The following UBL7 variants were observed in gnomAD, a reference collection of about 807,000 sequenced individuals.
The protein encoded by UBL7 is ubiquitin like 7.
UBL7 carries 21 observed loss-of-function variants against 41.7 expected under a neutral mutation model. That is an observed-to-expected ratio of 0.50 (90% CI 0.36 to 0.73). The LOEUF (loss-of-function observed/expected upper bound fraction) is 0.73, where lower values mean the gene tolerates loss of function less well. Ranked by LOEUF, UBL7 falls within the 30% of genes least tolerant of loss-of-function variation. The pLI is 0.00. For missense variants in UBL7, 403 were observed against 478.4 expected, an observed-to-expected ratio of 0.84 and a Z score of 1.47; for synonymous variants, 157 against 186.9, an observed-to-expected ratio of 0.84 and a Z score of 1.31.
chr15:74,460,028 G>A (rs1286398811), intron 1 of UBL7, among the ~76,000 whole-genome samples: 1 of 146,288 alleles, frequency 6.8e-6, no homozygotes, highest in African/African-American at 2.5e-5. Flanking sequence ...GATCACTTAA[G>A]ATCAGGTGTT....
chr15:74,451,476 A>G lies in UBL7; in HGVS notation c.432T>C (p.Ile144=). Reference sequence around the variant, plus strand: ...CACTGCTGAGGCCTGGGGTGGCCACAATGATCTGATCCAGAGACTCCTTAT... The same window carrying G: ...CACTGCTGAGGCCTGGGGTGGCCACGATGATCTGATCCAGAGACTCCTTAT... The part of the protein sequence containing the change: ...LSNKESLDQI[I]VATPGLSSDP... The change falls in exon 5 of 11, where the codon ATT becomes ATC. Residue 144 remains isoleucine (I), a synonymous_variant. Coordinates refer to ENST00000395081, the MANE Select transcript of UBL7 (RefSeq NM_032907.5). 1 of 1,614,110 alleles carries G rather than the reference A, an allele frequency of 6.2e-7. No individual in the cohort carries two copies. The highest frequency in any genetic ancestry group is 2.2e-5 in the East Asian group (1 of 44,880).
chr15:74,456,695 T>G (rs752804639), intron 2 of UBL7, 24 bp from the exon 3 acceptor site: 4 of 1,598,690 alleles, frequency 2.5e-6, no homozygotes, highest in Non-Finnish European at 2.6e-6. Flanking sequence ...TGTCCACTTA[T>G]ATTTTGCTCC....
Position 74,459,475 on chromosome 15 carries a change from A to ATTTT in UBL7, c.-29-583_-29-580dup, listed in dbSNP as rs372314262. Among the ~76,000 whole-genome samples the ATTTT allele has an allele frequency of 2.1e-5, 3 of 141,058 alleles. No individual in the cohort carries two copies. The East Asian group carries it at 6.3e-4, about 30-fold the overall frequency. 92.5% of individuals were successfully genotyped at this position (141,058 alleles called of 152,430 possible). A position where few individuals can be genotyped will look rare whatever the true frequency, so the allele number is the denominator to read the frequency against. ...AGGCACCCGCCACGACGCCAGGCTA[A>ATTTT]TTTTTTTTTTTTTTTGTACTTTTAG... On this transcript the variant is annotated intron_variant, in intron 1 of 10. Coordinates refer to ENST00000395081, the MANE Select transcript of UBL7 (RefSeq NM_032907.5).
chr15:74,450,689 C>T, intron 6 of UBL7, 113 bp downstream of exon 6: 2 of 1,161,790 alleles, frequency 1.7e-6, no homozygotes, highest in East Asian at 2.5e-5. Context: ...AAGGGGTAGA[C>T]TTGGTGACAG....
In UBL7 at chr15:74,449,338, G is replaced by A; in HGVS notation, c.730C>T (p.Pro244Ser). The change falls in exon 9 of 11, where the codon CCC (proline) becomes TCC (serine). Residue 244 changes from proline to serine, a missense_variant. By Grantham distance (74) the Pro-to-Ser change is moderately conservative (BLOSUM62 -1). Transcript: ENST00000395081. ...CGGGAGCTGGGAGTACTGCTAGAGG[G>A]TGTGGACCTGGTGTTCTGGAGAAAG... ...DDFHPNTRST[P>S]SSSTPSSRPA... 6.2e-7 allele frequency: 1 copy of A among 1,614,084 alleles called. No individual in the cohort carries two copies. Among genetic ancestry groups the A allele is most frequent in the Non-Finnish European group, 8.5e-7 (1 of 1,179,998 alleles).
intron 2 of UBL7, among the ~76,000 whole-genome samples, chr15:74,458,330 G>A (rs187803101): frequency 1.1e-4 from 16 of 152,310 alleles, no homozygotes; most frequent in African/African-American, 3.4e-4. Flanking sequence ...TACTCGGGAG[G>A]CTGAGGCAGA....
chr15:74,452,675 C>A (rs1434780937), intron 3 of UBL7, among the ~76,000 whole-genome samples: 1 of 152,184 alleles, frequency 6.6e-6, no homozygotes, highest in Admixed American at 6.5e-5. Flanking sequence ...GATCAACATA[C>A]CACTGCAGGA....
rs1286774597 is a variant in UBL7, at chr15:74,449,730, T to C, written c.665-55A>G. 5.0e-6 allele frequency: 8 copies of C among 1,608,736 alleles called. No individual in the cohort carries two copies. In the East Asian group the frequency reaches 8.9e-5, roughly 18 times the overall value. ...AAGAACAGAAAGGCACAGGCGCAGC[T>C]CCAGAATCTCAGCTCAAGTTACTCT... On this transcript the variant is annotated intron_variant, in intron 7 of 10. Transcript: ENST00000395081.
rs768153392 is a variant in UBL7, at chr15:74,448,491, T to C, written c.992A>G (p.Gln331Arg). 6 of 1,614,002 alleles carry C rather than the reference T, an allele frequency of 3.7e-6. No individual in the cohort carries two copies. Among genetic ancestry groups the C allele is most frequent in the Non-Finnish European group, 5.1e-6 (6 of 1,179,902 alleles). Residue 331 changes from glutamine to arginine, a missense_variant, in exon 10 of 11, where the codon CAG (glutamine) becomes CGG (arginine). Coordinates refer to ENST00000395081, the MANE Select transcript of UBL7 (RefSeq NM_032907.5). ...GGGAAGACTGACCTGAAGGCTGGGC[T>C]GCCCAGAGGCCTGAAGGGCATGCTG... ...ALQHALQASG[Q>R]PSLQSQWQPQ...
intron 4 of UBL7, among the ~76,000 whole-genome samples, 191 bp from the exon 5 acceptor site, chr15:74,451,711 T>C (rs1444088292): frequency 1.3e-5 from 2 of 150,730 alleles, no homozygotes; most frequent in Non-Finnish European, 3.0e-5. Context: ...AAACAAACAA[T>C]TTAAAAAAAA....
intron 5 of UBL7, among the ~76,000 whole-genome samples, chr15:74,451,148 TCAGGGTGTG>T (rs1343827773): frequency 6.6e-6 from 1 of 152,220 alleles, no homozygotes; most frequent in Non-Finnish European, 1.5e-5. Context: ...CTTCCCTTAC[TCAGGGTGTG>T]CAGGACGCCT....
At chr15:74,448,700 C>G (rs2061210010) in intron 9 of UBL7, 100 bp from the exon 10 acceptor site, 2 of 1,486,598 alleles carry the variant, frequency 1.3e-6, no homozygotes, top group African/African-American at 1.4e-5. Context: ...CCTGAGGTAC[C>G]CAACTTCTGC....
At position 74,449,176 on chromosome 15, in the gene UBL7, G is replaced by A. The variant is rs755061152; in HGVS notation, c.882+10C>T. 14 of 1,536,224 alleles carry A rather than the reference G, an allele frequency of 9.1e-6. No homozygotes were observed. The highest frequency in any genetic ancestry group is 7.7e-5 in the South Asian group (6 of 77,870). ...GCCCAGCCTTGATCTTCCCGGCCCCGTCTTCATACCTGGGTGCCAGGAGTC... is the reference window on the plus strand; with the variant it reads ...GCCCAGCCTTGATCTTCCCGGCCCCATCTTCATACCTGGGTGCCAGGAGTC... On this transcript the variant is annotated intron_variant, in intron 9 of 10. Transcript: ENST00000395081.
In UBL7 at chr15:74,446,227, T is replaced by C; in HGVS notation, c.1006A>G (p.Ser336Gly). The change falls in exon 11 of 11, where the codon AGC becomes GGC. Residue 336 changes from serine to glycine, a missense_variant and splice_region_variant. Ser to Gly is a moderately conservative substitution (Grantham distance 56). Coordinates refer to ENST00000395081, the MANE Select transcript of UBL7 (RefSeq NM_032907.5). This position sits in a 1 kb window ranked among gnomAD's most constrained non-coding sequence, Gnocchi z 4.1. ...LQASGQPSLQSQWQPQLQQLR... is the reference protein window; with the variant it reads ...LQASGQPSLQGQWQPQLQQLR... The stretch of plus-strand genomic sequence containing the variant: ...TGCTGCAGCTGGGGCTGCCACTGGC[T>C]CTGTGGAAAGATAGGAATGGGCAGA... 2 of 1,613,806 alleles carry C rather than the reference T, an allele frequency of 1.2e-6. No homozygotes were observed. Among genetic ancestry groups the C allele is most frequent in the Non-Finnish European group, 1.7e-6 (2 of 1,179,860 alleles).
At chr15:74,453,008 A>G (rs12440654) in intron 3 of UBL7, among the ~76,000 whole-genome samples, 40,777 of 152,064 alleles carry the variant, frequency 0.27, 7,509 homozygotes, top group East Asian at 0.54. Flanking sequence ...CACCGTGCCC[A>G]GCCCTGGGTC....
chr15:74,460,914 G>A (rs1022741186), intron 1 of UBL7, 123 bp downstream of exon 1: 8 of 1,155,640 alleles, frequency 6.9e-6, no homozygotes, highest in African/African-American at 1.6e-5. Context: ...CCTCACAACG[G>A]TTCCCTAAGG....
chr15:74,461,152 A>C lies in UBL7; in HGVS notation c.-145T>G. On this transcript the variant is annotated 5_prime_UTR_variant, in exon 1 of 11. Transcript: ENST00000395081. ...CGGCCGCACTGCCGCCGGTGTAAACACTCACTCTGGCCCTCTCGCCGGAAA... is the reference window on the plus strand; with the variant it reads ...CGGCCGCACTGCCGCCGGTGTAAACCCTCACTCTGGCCCTCTCGCCGGAAA... The C allele has an allele frequency of 1.0e-6, 1 of 995,154 alleles. No homozygotes were observed. Among genetic ancestry groups the C allele is most frequent in the Non-Finnish European group, 1.2e-6 (1 of 834,948 alleles). The allele number at this position is 995,154 out of a possible 1,614,324, so 61.6% of individuals were successfully genotyped here. A position where few individuals can be genotyped will look rare whatever the true frequency, so the allele number is the denominator to read the frequency against.
chr15:74,449,973 G>A lies in UBL7; in HGVS notation c.627C>T (p.Ser209=). 1 of 1,613,296 alleles carries A rather than the reference G, an allele frequency of 6.2e-7. No homozygotes were observed. The highest frequency in any genetic ancestry group is 1.1e-5 in the South Asian group (1 of 90,766). ...GGTATGAGCTGGAGGGCATGCTCCG[G>A]GAAGAGGAGTCAGTCCCAGGCATTG... ...SAPMPGTDSS[S]RSMPSSSYRD... The change falls in exon 7 of 11, where the codon TCC becomes TCT. Residue 209 remains serine, a synonymous_variant. Transcript: ENST00000395081.
At chr15:74,449,727 A>G in intron 7 of UBL7, 52 bp from the exon 8 acceptor site, 1 of 1,610,092 alleles carries the variant, frequency 6.2e-7, no homozygotes. Flanking sequence ...GCACAGGCGC[A>G]GCTCCAGAAT....
Sources: allele counts gnomAD v4.1 joint callset (sites outside exome capture counted in the v4.1 genomes callset), GRCh38; gene constraint gnomAD v4.1.1; non-coding constraint Gnocchi (gnomAD v3.1); transcripts MANE v1.5; gene names NCBI Gene and HGNC (gene_info 2026-07-23, HGNC 2026-07-21).